CUBN: variants seen among roughly 807,000 people sequenced by gnomAD.
CUBN encodes cubilin, also known as 460 kDa receptor.
In CUBN, 282 loss-of-function variants were observed where a neutral mutation model predicts 405.3. That is an observed-to-expected ratio of 0.70 (90% CI 0.63 to 0.77). The LOEUF (loss-of-function observed/expected upper bound fraction) is 0.77. Ranked by LOEUF, CUBN falls within the 30% of genes least tolerant of loss-of-function variation. The probability of loss-of-function intolerance (pLI) is 0.00; values close to 1 mark genes in which losing one functional copy is unlikely to be tolerated. For synonymous variants in CUBN, 1,684 were observed against 1,617.0 expected, an observed-to-expected ratio of 1.04 and a Z score of -0.99; for missense variants, 4,514 against 4,475.2, an observed-to-expected ratio of 1.01 and a Z score of -0.25.
chr10:16,947,500 C>T, intron 35 of CUBN, 133 bp from the exon 36 acceptor site: 1 of 983,296 alleles, frequency 1.0e-6, no homozygotes, highest in Non-Finnish European at 1.6e-6. Flanking sequence ...CATTTTAAAA[C>T]ATTCATGTCA....
chr10:16,915,902 T>C lies in CUBN; in HGVS notation c.7129A>G (p.Ile2377Val). 2 of 1,614,206 alleles carry C rather than the reference T, an allele frequency of 1.2e-6. No homozygotes were observed. The highest frequency in any genetic ancestry group is 1.7e-6 in the Non-Finnish European group (2 of 1,180,024). The change falls in exon 46 of 67, where the codon ATC becomes GTC. Residue 2377 changes from isoleucine to valine, a missense_variant. By Grantham distance (29) the Ile-to-Val change is conservative. Coordinates refer to ENST00000377833, the MANE Select transcript of CUBN (RefSeq NM_001081.4). Reference protein sequence around the residue: ...LQGLSGHYLTISFEDFNLQNS... With the variant: ...LQGLSGHYLTVSFEDFNLQNS... Reference sequence around the variant, plus strand: ...TGAAGGTTAAAGTCTTCAAAAGAGATGGTGAGATAGTGTCCAGAGAGCCCC... The same window carrying C: ...TGAAGGTTAAAGTCTTCAAAAGAGACGGTGAGATAGTGTCCAGAGAGCCCC...
chr10:16,915,919 G>A lies in CUBN; in HGVS notation c.7112C>T (p.Ser2371Phe), dbSNP rs141819241. Residue 2371 changes from serine (S) to phenylalanine (F), a missense_variant, in exon 46 of 67, where the codon TCT (serine) becomes TTT (phenylalanine). Around this residue, in one of 5 missense-constraint regions of CUBN, gnomAD observed 1,613 missense variants for 1,542.8 expected, o/e 1.05. Coordinates refer to ENST00000377833, the MANE Select transcript of CUBN (RefSeq NM_001081.4). ...LFCEWHLQGL[S>F]GHYLTISFED... Reference sequence around the variant, plus strand: ...AAAAGAGATGGTGAGATAGTGTCCAGAGAGCCCCTGGAGATGCCACTCACA... The same window carrying A: ...AAAAGAGATGGTGAGATAGTGTCCAAAGAGCCCCTGGAGATGCCACTCACA... 1.0e-4 allele frequency: 166 copies of A among 1,614,074 alleles called. 1 individual carries two copies. The African/African-American group carries it at 2.1e-3, about 21-fold the overall frequency.
At chr10:16,943,691 G>A (rs79957250) in intron 36 of CUBN, among the ~76,000 whole-genome samples, 117 of 152,220 alleles carry the variant, frequency 7.7e-4, no homozygotes, top group Middle Eastern at 3.4e-3. Context: ...CGGCATCACC[G>A]GAGAGCTTGT....
Position 17,046,045 on chromosome 10 carries a change from T to G in CUBN, c.3379A>C (p.Asn1127His), listed in dbSNP as rs866503446. Residue 1127 changes from asparagine to histidine, a missense_variant, in exon 24 of 67, where the codon AAT (asparagine) becomes CAT (histidine). This residue lies in a region of CUBN where 1,448 missense variants were observed against 1,388.0 expected (regional missense o/e 1.04). Transcript: ENST00000377833. ...TGAGAGATGATTGTTGGGGGTAGAT[T>G]TGAGCCATAGAATATTCCCAGCAAT... is the stretch of plus-strand genomic sequence containing the variant. Reference protein sequence around the residue: ...SPLLGIFYGSNLPPTIISHSN... With the variant: ...SPLLGIFYGSHLPPTIISHSN... The G allele has an allele frequency of 1.2e-6, 2 of 1,613,746 alleles. No homozygotes were observed. The highest frequency in any genetic ancestry group is 1.7e-6 in the Non-Finnish European group (2 of 1,179,808).
chr10:17,107,246 CAG>C (rs1396703392), intron 10 of CUBN, among the ~76,000 whole-genome samples: 1 of 152,082 alleles, frequency 6.6e-6, no homozygotes, highest in Non-Finnish European at 1.5e-5. Flanking sequence ...ATTTAATATC[CAG>C]AGAGTTTTCC....
intron 53 of CUBN, among the ~76,000 whole-genome samples, chr10:16,899,909 T>A (rs1841306248): frequency 6.6e-6 from 1 of 152,192 alleles, no homozygotes; most frequent in Non-Finnish European, 1.5e-5. Context: ...CAGAAATAAT[T>A]GTCTTGTGTG....
At chr10:16,852,646 T>A (rs1839752116) in intron 59 of CUBN, among the ~76,000 whole-genome samples, 1 of 152,194 alleles carries the variant, frequency 6.6e-6, no homozygotes, top group Admixed American at 6.5e-5. Flanking sequence ...GTTTTTGGGA[T>A]TGCTGATGTG....
chr10:17,060,682 G>C (rs577915116), intron 22 of CUBN, among the ~76,000 whole-genome samples: 41 of 152,272 alleles, frequency 2.7e-4, no homozygotes, highest in African/African-American at 9.9e-4. Flanking sequence ...GAAAATATCT[G>C]AATCTCTCAT....
intron 6 of CUBN, 54 bp downstream of exon 6, chr10:17,122,741 T>G (rs1336495536): frequency 1.9e-6 from 2 of 1,048,340 alleles, no homozygotes; most frequent in African/African-American, 3.4e-5. Flanking sequence ...CTATGGGATG[T>G]TTTAGGCCTT....
chr10:16,968,211 AAT>A (rs1266217300), intron 31 of CUBN, among the ~76,000 whole-genome samples: 1 of 152,208 alleles, frequency 6.6e-6, no homozygotes, highest in East Asian at 1.9e-4. Context: ...GTATTACAAA[AAT>A]ACAACAAAAG....
At chr10:16,971,657 T>A (rs1383549943) in intron 31 of CUBN, among the ~76,000 whole-genome samples, 2 of 152,182 alleles carry the variant, frequency 1.3e-5, no homozygotes, top group Non-Finnish European at 2.9e-5. Flanking sequence ...TTCAATTTCT[T>A]ATTCTAAAAA....
chr10:17,109,302 G>A (rs1836712430), intron 10 of CUBN, among the ~76,000 whole-genome samples: 1 of 152,156 alleles, frequency 6.6e-6, no homozygotes, highest in African/African-American at 2.4e-5. Flanking sequence ...TTGCAGCAAA[G>A]CTCAGTTCTA....
chr10:17,017,206 C>G (rs1834350059), intron 28 of CUBN, among the ~76,000 whole-genome samples: 2 of 152,170 alleles, frequency 1.3e-5, no homozygotes, highest in Non-Finnish European at 2.9e-5. Context: ...TCCCTGGACC[C>G]TGCTGATCAG....
intron 44 of CUBN, 29 bp downstream of exon 44, chr10:16,919,934 G>C: frequency 3.1e-6 from 5 of 1,609,460 alleles, no homozygotes; most frequent in Non-Finnish European, 4.2e-6. Flanking sequence ...ACTTGGGGTA[G>C]GAAAAAAATG....
intron 27 of CUBN, among the ~76,000 whole-genome samples, chr10:17,026,463 C>A (rs1239883315): frequency 6.6e-6 from 1 of 151,950 alleles, no homozygotes; most frequent in East Asian, 1.9e-4. Flanking sequence ...AAAACCCTGT[C>A]TCTACTAAAA....
chr10:16,940,054 G>A lies in CUBN; in HGVS notation c.5526C>T (p.Gly1842=), dbSNP rs1239521131. 4.3e-6 allele frequency: 7 copies of A among 1,613,952 alleles called. No homozygotes were observed. Among genetic ancestry groups the A allele is most frequent in the Non-Finnish European group, 5.9e-6 (7 of 1,179,824 alleles). ...FISDGSGSGT[G]FQATFMKIFG... is the part of the protein sequence containing the mutation. The stretch of plus-strand genomic sequence containing the variant: ...TACTCTTCATAAATGTGGCCTGGAA[G>A]CCCGTGCCGCTGCCAGAACCATCTG... Residue 1842 remains glycine, a synonymous_variant, in exon 37 of 67, where the codon GGC becomes GGT. Coordinates refer to ENST00000377833, the MANE Select transcript of CUBN (RefSeq NM_001081.4).
At chr10:17,070,251 TACTGTCTTGATTATTGTAGCTTTG>T (rs1395762178) in intron 19 of CUBN, among the ~76,000 whole-genome samples, 2 of 152,256 alleles carry the variant, frequency 1.3e-5, no homozygotes, top group Admixed American at 6.5e-5. Flanking sequence ...TTCAATAAGA[TACTGTCTTGATTATTGTAGCTTTG>T]TTCTAAGTTT....
intron 56 of CUBN, among the ~76,000 whole-genome samples, chr10:16,879,528 T>C (rs781122231): frequency 6.6e-6 from 1 of 152,202 alleles, no homozygotes; most frequent in African/African-American, 2.4e-5. Context: ...AAATCAGACA[T>C]CCTGTTTGCT....
At chr10:17,126,630 T>A (rs1259121764) in intron 4 of CUBN, 131 bp downstream of exon 4, 1 of 977,014 alleles carries the variant, frequency 1.0e-6, no homozygotes. Context: ...GGGATGAGAA[T>A]TAAATTATGG....
Sources: allele counts gnomAD v4.1 joint callset (sites outside exome capture counted in the v4.1 genomes callset), GRCh38; gene constraint gnomAD v4.1.1; regional missense constraint gnomAD v4.1.1; transcripts MANE v1.5; gene names NCBI Gene and HGNC (gene_info 2026-07-23, HGNC 2026-07-21).